SLC24A2: variants seen among roughly 807,000 people sequenced by gnomAD.
The protein encoded by SLC24A2 is sodium/potassium/calcium exchanger 2.
A neutral mutation model predicts 62.0 loss-of-function variants in SLC24A2; 36 were observed. That is an observed-to-expected ratio of 0.58 (90% CI 0.44 to 0.77). The LOEUF is 0.77. SLC24A2 is among the 30% of genes least tolerant of loss of function. The probability of loss-of-function intolerance (pLI) is 0.00; values close to 1 mark genes in which losing one functional copy is unlikely to be tolerated. For missense variants in SLC24A2, 846 were observed against 817.9 expected, an observed-to-expected ratio of 1.03 and a Z score of -0.42; for synonymous variants, 358 against 294.0, an observed-to-expected ratio of 1.22 and a Z score of -2.23.
At chr9:19,560,901 A>G (rs185205439) in intron 7 of SLC24A2, among the ~76,000 whole-genome samples, 19,009 of 92,584 alleles carry the variant, frequency 0.21, 1,508 homozygotes, top group African/African-American at 0.3. Context: ...GTGTGTGTAT[A>G]TATATATATA....
chr9:19,864,610 T>C, the SLC24A2 span, among the ~76,000 whole-genome samples: 2 of 152,126 alleles, frequency 1.3e-5, no homozygotes, highest in Admixed American at 6.5e-5. Context: ...TTTCATTTGA[T>C]GAAAAGGCAT....
intron 7 of SLC24A2, among the ~76,000 whole-genome samples, chr9:19,565,158 G>C (rs368567579): frequency 2.0e-5 from 3 of 152,146 alleles, no homozygotes. Context: ...ATTAGGAAAA[G>C]AGGAAGTCAA....
intron 4 of SLC24A2, among the ~76,000 whole-genome samples, chr9:19,603,088 C>G (rs1836884270): frequency 6.6e-6 from 1 of 151,782 alleles, no homozygotes; most frequent in African/African-American, 2.4e-5. Context: ...ATCCATGCAA[C>G]AGTTGGAATT....
At chr9:20,078,181 G>C in the SLC24A2 span, among the ~76,000 whole-genome samples, 2 of 152,148 alleles carry the variant, frequency 1.3e-5, no homozygotes, top group Non-Finnish European at 2.9e-5. Flanking sequence ...TCCCTGAGAG[G>C]CTTCAGTGCC....
the SLC24A2 span, among the ~76,000 whole-genome samples, chr9:20,190,933 A>G: frequency 6.6e-6 from 1 of 152,204 alleles, no homozygotes; most frequent in African/African-American, 2.4e-5. Flanking sequence ...AAAGTTCTCC[A>G]AAAGTGTTAA....
intron 2 of SLC24A2, among the ~76,000 whole-genome samples, chr9:19,693,709 G>A (rs1204298833): frequency 6.6e-6 from 1 of 152,000 alleles, no homozygotes; most frequent in African/African-American, 2.4e-5. Context: ...TTTTTAAGAT[G>A]CTTCTCATGT....
At chr9:20,080,955 A>G in the SLC24A2 span, among the ~76,000 whole-genome samples, 407 of 152,282 alleles carry the variant, frequency 2.7e-3, 7 homozygotes, top group Non-Finnish European at 4.4e-3. Context: ...TTAGAATGGC[A>G]ATCATTAAAA....
At chr9:20,253,184 T>C in the SLC24A2 span, among the ~76,000 whole-genome samples, 1 of 152,196 alleles carries the variant, frequency 6.6e-6, no homozygotes, top group Non-Finnish European at 1.5e-5. Context: ...AAAGAAAATA[T>C]TATGATGCAG....
chr9:19,575,869 C>T (rs901101018), intron 6 of SLC24A2, among the ~76,000 whole-genome samples: 1 of 152,176 alleles, frequency 6.6e-6, no homozygotes, highest in African/African-American at 2.4e-5. Flanking sequence ...AAAACTCAAC[C>T]TATGCGGTAG....
At chr9:19,670,029 C>T (rs1045146141) in intron 2 of SLC24A2, among the ~76,000 whole-genome samples, 3 of 152,162 alleles carry the variant, frequency 2.0e-5, no homozygotes, top group African/African-American at 7.2e-5. Context: ...CAGAGAATAG[C>T]CTGCATTTAG....
chr9:19,908,285 T>G, the SLC24A2 span, among the ~76,000 whole-genome samples: 1 of 178 alleles, frequency 5.6e-3, no homozygotes, highest in Non-Finnish European at 0.011. Context: ...TAGCCATATA[T>G]AGAAAGCTGA....
upstream of SLC24A2, among the ~76,000 whole-genome samples, chr9:19,793,643 T>A (rs191885536): frequency 6.6e-6 from 1 of 152,234 alleles, no homozygotes; most frequent in Non-Finnish European, 1.5e-5. Flanking sequence ...TATCCACAGA[T>A]GAAGAAACTG....
intron 2 of SLC24A2, among the ~76,000 whole-genome samples, chr9:19,747,661 G>C (rs1248647705): frequency 6.6e-6 from 1 of 152,168 alleles, no homozygotes; most frequent in Non-Finnish European, 1.5e-5. Context: ...CTTTTACTAT[G>C]AGTGTCTTCT....
chr9:19,543,181 A>G (rs1448200897), intron 8 of SLC24A2, among the ~76,000 whole-genome samples: 1 of 152,108 alleles, frequency 6.6e-6, no homozygotes, highest in Non-Finnish European at 1.5e-5. Flanking sequence ...CCAGGAATTT[A>G]TCCATTTCTT....
the SLC24A2 span, among the ~76,000 whole-genome samples, chr9:19,855,829 C>T: frequency 6.6e-6 from 1 of 152,140 alleles, no homozygotes; most frequent in Admixed American, 6.5e-5. Context: ...TGAATGTTAG[C>T]CTGTCTTGCT....
chr9:20,251,164 T>A, the SLC24A2 span, among the ~76,000 whole-genome samples: 18 of 152,218 alleles, frequency 1.2e-4, no homozygotes, highest in Non-Finnish European at 2.2e-4. Flanking sequence ...TGGGAAAATC[T>A]TGAAGCCTAC....
At chr9:19,969,251 T>C in the SLC24A2 span, among the ~76,000 whole-genome samples, 44 of 144,276 alleles carry the variant, frequency 3.0e-4, no homozygotes, top group Non-Finnish European at 4.4e-4. Context: ...ATGAAGAATT[T>C]CCTTCATTCT....
chr9:19,881,050 C>T, the SLC24A2 span, among the ~76,000 whole-genome samples: 2 of 152,106 alleles, frequency 1.3e-5, no homozygotes, highest in Admixed American at 1.3e-4. Flanking sequence ...AATCTTAGTG[C>T]TGTTGTGAAG....
chr9:19,887,400 G>C, the SLC24A2 span, among the ~76,000 whole-genome samples: 1 of 151,898 alleles, frequency 6.6e-6, no homozygotes, highest in Non-Finnish European at 1.5e-5. Context: ...ACAGATGAAT[G>C]GGCAATTCTC....
Sources: gnomAD v4.1 joint callset for allele counts (sites outside exome capture counted in the v4.1 genomes callset) on GRCh38, gnomAD v4.1.1 for gene constraint, MANE v1.5 for transcripts, NCBI Gene and HGNC (gene_info 2026-07-23, HGNC 2026-07-21) for gene names.